MTHFS: variants seen among roughly 807,000 people sequenced by gnomAD.
MTHFS encodes the protein 5-formyltetrahydrofolate cyclo-ligase.
MTHFS carries 7 observed loss-of-function variants against 12.7 expected under a neutral mutation model. The ratio of observed to expected loss-of-function variants is 0.55; its 90% CI spans 0.31 to 1.03. MTHFS has a LOEUF of 1.03. Among genes scored for constraint, MTHFS ranks in the 50% least tolerant of loss-of-function variants. The pLI, the probability that MTHFS is intolerant of heterozygous loss-of-function variation, is 0.05. For synonymous variants in MTHFS, 100 were observed against 97.1 expected (o/e 1.03, Z -0.18); for missense variants, 252 against 258.1 (o/e 0.98, Z 0.16).
chr15:79,877,689 G>C (rs933749619), intron 2 of MTHFS: 7 of 151,326 alleles, frequency 4.6e-5, no homozygotes, highest in African/African-American at 1.7e-4. Flanking sequence ...GACAGAGCGA[G>C]ACTCTATCTC....
intron 1 of MTHFS, among the ~76,000 whole-genome samples, chr15:79,890,059 G>A (rs2141377632): frequency 6.6e-6 from 1 of 152,192 alleles, no homozygotes; most frequent in African/African-American, 2.4e-5. Flanking sequence ...CAATTATGGG[G>A]TGGGGGCAGA....
At chr15:79,887,097 G>T (rs1402742718) in intron 2 of MTHFS, among the ~76,000 whole-genome samples, 1 of 152,094 alleles carries the variant, frequency 6.6e-6, no homozygotes, top group East Asian at 1.9e-4. Flanking sequence ...AGCCAGCCAC[G>T]GTGGCGCACG....
chr15:79,896,715 GGCGTGC>G, intron 1 of MTHFS, 151 bp downstream of exon 1: 2 of 1,279,944 alleles, frequency 1.6e-6, no homozygotes, highest in Non-Finnish European at 2.1e-6. Context: ...ACGACTAGGG[GGCGTGC>G]GCGCGCCGGG....
chr15:79,893,998 C>T (rs12440798), intron 1 of MTHFS, among the ~76,000 whole-genome samples: 19,788 of 152,222 alleles, frequency 0.13, 1,669 homozygotes, highest in East Asian at 0.31. Flanking sequence ...TGGCAAAACA[C>T]TACACAGTAC....
At chr15:79,889,768 G>A (rs910157591) in intron 1 of MTHFS, among the ~76,000 whole-genome samples, 2 of 152,058 alleles carry the variant, frequency 1.3e-5, no homozygotes, top group East Asian at 3.8e-4. Flanking sequence ...TCCACTCCTT[G>A]GATTGTCAGG....
chr15:79,868,874 A>C (rs561140648), intron 2 of MTHFS, among the ~76,000 whole-genome samples: 2 of 152,344 alleles, frequency 1.3e-5, no homozygotes, highest in South Asian at 4.1e-4. Context: ...AAAAGTATAG[A>C]TATAGATGTA....
At chr15:79,861,061 C>T (rs941889370) in intron 2 of MTHFS, among the ~76,000 whole-genome samples, 14 of 152,276 alleles carry the variant, frequency 9.2e-5, no homozygotes, top group African/African-American at 3.4e-4. Flanking sequence ...TAGTCATCGT[C>T]GTCATCATCA....
rs576432113 is a variant in MTHFS, at chr15:79,889,520, A to C, written c.118-166T>G. On this transcript the variant is annotated intron_variant, in intron 1 of 2. Coordinates refer to ENST00000258874, the MANE Select transcript of MTHFS (RefSeq NM_006441.4). ...ATAGTGGGTCAGACAGTGTTGCATCATGAAGCCTGACTTTTAGTTTGGGAC... is the reference window on the plus strand; with the variant it reads ...ATAGTGGGTCAGACAGTGTTGCATCCTGAAGCCTGACTTTTAGTTTGGGAC... Among the ~76,000 whole-genome samples, 7 of 152,178 alleles carry C rather than the reference A, an allele frequency of 4.6e-5. No homozygotes were observed. In the East Asian group the frequency reaches 1.4e-3, roughly 29 times the overall value.
chr15:79,845,587 T>A lies in MTHFS; in HGVS notation c.380-145A>T, dbSNP rs1439810527. ...CCATTAATATCCAAAAAGCACAGAG[T>A]TGGACAAAAAAGGAAATAAAACGTA... On this transcript the variant is annotated intron_variant, in intron 2 of 2. Coordinates refer to ENST00000258874, the MANE Select transcript of MTHFS (RefSeq NM_006441.4). 5 of 1,197,258 alleles carry A rather than the reference T, an allele frequency of 4.2e-6. No individual in the cohort carries two copies. In the African/African-American group the frequency reaches 7.7e-5, roughly 18 times the overall value. 74.2% of individuals were successfully genotyped at this position (1,197,258 alleles called of 1,614,324 possible).
intron 2 of MTHFS, among the ~76,000 whole-genome samples, chr15:79,869,467 C>T (rs1465196601): frequency 6.6e-6 from 1 of 152,082 alleles, no homozygotes; most frequent in Non-Finnish European, 1.5e-5. Flanking sequence ...TTTTGAGACA[C>T]AGTCTTGCTC....
chr15:79,845,736 G>C (rs558278831), intron 2 of MTHFS, among the ~76,000 whole-genome samples: 1 of 152,152 alleles, frequency 6.6e-6, no homozygotes, highest in South Asian at 2.1e-4. Flanking sequence ...CCAGAGATAG[G>C]GCCCTCTTTT....
chr15:79,863,255 C>T (rs895793622), intron 2 of MTHFS, among the ~76,000 whole-genome samples: 1 of 152,194 alleles, frequency 6.6e-6, no homozygotes, highest in Non-Finnish European at 1.5e-5. Context: ...ATGGTCCACT[C>T]CCAGTTTCTT....
rs76120394 is a variant in MTHFS at position 79,891,495 on chromosome 15, G to A, written c.118-2141C>T. 2.7e-3 allele frequency among the ~76,000 whole-genome samples: 414 copies of A among 152,106 alleles called. 2 individuals carry two copies. The highest frequency in any genetic ancestry group is 9.1e-3 in the African/African-American group (379 of 41,494). ...GGGGAGGAAGCAATCAGGGAATTAT[G>A]AAATAATCAATGGAAACTAAAATTG... On this transcript the variant is annotated intron_variant, in intron 1 of 2. Transcript: ENST00000258874.
chr15:79,880,623 AAAT>A (rs1221528220), intron 2 of MTHFS, among the ~76,000 whole-genome samples: 2 of 152,220 alleles, frequency 1.3e-5, no homozygotes, highest in Non-Finnish European at 2.9e-5. Flanking sequence ...ACCAAAAAAA[AAAT>A]GTTTGAAGAC....
At chr15:79,863,766 A>G (rs533566235) in intron 2 of MTHFS, among the ~76,000 whole-genome samples, 1 of 152,300 alleles carries the variant, frequency 6.6e-6, no homozygotes, top group Admixed American at 6.5e-5. Flanking sequence ...GCAGGACCAT[A>G]TGGCATATGC....
At chr15:79,860,255 G>A (rs1011005429) in intron 2 of MTHFS, among the ~76,000 whole-genome samples, 2 of 151,980 alleles carry the variant, frequency 1.3e-5, no homozygotes, top group South Asian at 2.1e-4. Context: ...CGGGTGTGGT[G>A]TCGGGTGCCT....
At chr15:79,852,046 G>A (rs1484037655) in intron 2 of MTHFS, among the ~76,000 whole-genome samples, 1 of 152,180 alleles carries the variant, frequency 6.6e-6, no homozygotes. Flanking sequence ...TTAATCAACT[G>A]CTGCATGCCT....
intron 2 of MTHFS, among the ~76,000 whole-genome samples, chr15:79,846,043 A>ACTAGTT (rs1432081210): frequency 1.3e-5 from 2 of 152,212 alleles, no homozygotes; most frequent in South Asian, 2.1e-4. Context: ...GGGACCCACA[A>ACTAGTT]CTAGTTCTCT....
At position 79,896,963 on chromosome 15, in the gene MTHFS, G is replaced by GCGCTGCTCACCGCTGC. The variant is rs765726078; in HGVS notation, c.10_25dup (p.Ala9GlyfsTer42). ...CAGCTCTCCCCGCAGGCTCCGCTTG[G>GCGCTGCTCACCGCTGC]CGCTGCTCACCGCTGCCGCCGCCAT... On this transcript the variant is annotated frameshift_variant, in exon 1 of 3. Transcript: ENST00000258874. LOFTEE classifies it high-confidence loss of function. 50 of 1,534,158 alleles carry GCGCTGCTCACCGCTGC rather than the reference G, an allele frequency of 3.3e-5. No homozygotes were observed. Among genetic ancestry groups the GCGCTGCTCACCGCTGC allele is most frequent in the Non-Finnish European group, 4.2e-5 (48 of 1,145,100 alleles).
Sources: gnomAD v4.1 joint callset for allele counts (sites outside exome capture counted in the v4.1 genomes callset) on GRCh38, gnomAD v4.1.1 for gene constraint, MANE v1.5 for transcripts, NCBI Gene and HGNC (gene_info 2026-07-23, HGNC 2026-07-21) for gene names.